The following AOPEP variants were observed in gnomAD, a reference collection of about 807,000 sequenced individuals.
AOPEP encodes the protein aminopeptidase O (putative).
In AOPEP, 77 loss-of-function variants were observed where a neutral mutation model predicts 98.1. The observed-to-expected ratio is 0.78, with a 90% CI of 0.65 to 0.95. AOPEP has a LOEUF of 0.95. Ranked by LOEUF, AOPEP falls within the 40% of genes least tolerant of loss-of-function variation. AOPEP has a pLI of 0.00. For synonymous variants in AOPEP, 346 were observed against 365.3 expected (o/e 0.95, Z 0.60); for missense variants, 1,024 against 1,024.7 (o/e 1.00, Z 0.01).
chr9:95,082,782 C>G, intron 16 of AOPEP, 63 bp downstream of exon 16: 1 of 1,570,258 alleles, frequency 6.4e-7, no homozygotes, highest in Non-Finnish European at 8.7e-7. Context: ...TAGGAGCCAA[C>G]TAAATCAGTA....
the AOPEP span, among the ~76,000 whole-genome samples, chr9:95,104,023 A>G: frequency 5.6e-4 from 85 of 152,110 alleles, no homozygotes; most frequent in Middle Eastern, 3.4e-3. Flanking sequence ...GGGTGGAGAG[A>G]CCCAAGCTGT....
At chr9:94,928,619 G>T in intron 7 of AOPEP, 88 bp downstream of exon 7, 1 of 907,154 alleles carries the variant, frequency 1.1e-6, no homozygotes. Context: ...CATCTGCTGT[G>T]TTTCCTTTTT....
chr9:94,928,543 T>C lies in AOPEP; in HGVS notation c.1661+12T>C. The C allele has an allele frequency of 6.5e-7, 1 of 1,536,178 alleles. No homozygotes were observed. The highest frequency in any genetic ancestry group is 8.8e-7 in the Non-Finnish European group (1 of 1,133,676). On this transcript the variant is annotated intron_variant, in intron 7 of 16. Transcript: ENST00000375315. ...ATGCAGGTGTTAAGGTAAAGCTGCA[T>C]GGTGATCCACAGCCCTCTCATTCCC...
chr9:95,119,722 T>C, the AOPEP span, among the ~76,000 whole-genome samples: 1 of 152,000 alleles, frequency 6.6e-6, no homozygotes, highest in Non-Finnish European at 1.5e-5. Context: ...ATTCCTTTCT[T>C]ATTTTTTGAG....
chr9:95,004,385 CG>C (rs1564508886), intron 11 of AOPEP: 1 of 420,018 alleles, frequency 2.4e-6, no homozygotes, highest in Non-Finnish European at 4.9e-6. Flanking sequence ...CTGAGGGCTG[CG>C]GGTCCACACT....
intron 5 of AOPEP, among the ~76,000 whole-genome samples, chr9:94,869,546 C>T (rs557355269): frequency 6.6e-6 from 1 of 152,320 alleles, no homozygotes; most frequent in East Asian, 1.9e-4. Context: ...GAAAAGTTTA[C>T]TAGTGTCTCT....
intron 5 of AOPEP, among the ~76,000 whole-genome samples, chr9:94,882,514 G>A (rs982258909): frequency 1.3e-5 from 2 of 152,160 alleles, no homozygotes; most frequent in Admixed American, 6.5e-5. Context: ...GGTGGCTCAC[G>A]CCTGTAATCC....
chr9:95,008,794 A>G (rs745602437), intron 13 of AOPEP, among the ~76,000 whole-genome samples: 1 of 152,138 alleles, frequency 6.6e-6, no homozygotes, highest in African/African-American at 2.4e-5. Flanking sequence ...CTGAAGATGC[A>G]TCATTCTGTC....
At chr9:94,849,950 G>A (rs1013923797) in intron 5 of AOPEP, among the ~76,000 whole-genome samples, 4 of 151,544 alleles carry the variant, frequency 2.6e-5, no homozygotes, top group Non-Finnish European at 4.4e-5. Context: ...CAGGAGAGTC[G>A]CTTGAACCCG....
At chr9:94,986,990 C>T (rs2060563420) in intron 11 of AOPEP, among the ~76,000 whole-genome samples, 2 of 152,222 alleles carry the variant, frequency 1.3e-5, no homozygotes, top group South Asian at 4.1e-4. Flanking sequence ...GTAGAACTTT[C>T]AAGCATCCAG....
In AOPEP at chr9:94,760,507, C is replaced by T; in HGVS notation, c.724C>T (p.His242Tyr). 6.2e-7 allele frequency: 1 copy of T among 1,607,268 alleles called. No individual in the cohort carries two copies. The highest frequency in any genetic ancestry group is 8.5e-7 in the Non-Finnish European group (1 of 1,177,538). The change falls in exon 2 of 17, where the codon CAT becomes TAT. Residue 242 changes from histidine (H) to tyrosine (Y), a missense_variant. Coordinates refer to ENST00000375315, the MANE Select transcript of AOPEP (RefSeq NM_001193329.3). The stretch of plus-strand genomic sequence containing the variant: ...GGCTCAGACAGCTACTGACTTTCCT[C>T]ATGCTATCAGGATATGGTACAAAAC... ...TGAQTATDFP[H>Y]AIRIWYKTKP...
chr9:95,087,417 C>A (rs2070784330), downstream of AOPEP, among the ~76,000 whole-genome samples: 1 of 123,200 alleles, frequency 8.1e-6, no homozygotes, highest in Non-Finnish European at 1.6e-5. Flanking sequence ...CAGGAGGTGG[C>A]AGTTGCAGTG....
chr9:94,746,196 A>G (rs374274917), intron 1 of AOPEP, among the ~76,000 whole-genome samples: 80 of 152,240 alleles, frequency 5.3e-4, no homozygotes, highest in East Asian at 9.6e-4. Flanking sequence ...AGCCTTTGCT[A>G]TGGTAGGTAG....
At chr9:94,867,007 A>C (rs992226616) in intron 5 of AOPEP, among the ~76,000 whole-genome samples, 1 of 152,198 alleles carries the variant, frequency 6.6e-6, no homozygotes, top group African/African-American at 2.4e-5. Context: ...CCAAGATCTA[A>C]TTATGATGCT....
intron 3 of AOPEP, among the ~76,000 whole-genome samples, chr9:94,785,682 G>A (rs1305219410): frequency 2.0e-5 from 3 of 152,228 alleles, no homozygotes; most frequent in Non-Finnish European, 4.4e-5. Flanking sequence ...ATCCAGTGGT[G>A]TGAGGGGTTT....
intron 1 of AOPEP, among the ~76,000 whole-genome samples, chr9:94,746,925 T>C (rs552863410): frequency 3.9e-5 from 6 of 151,978 alleles, no homozygotes; most frequent in Admixed American, 3.9e-4. Flanking sequence ...CAACTGACAG[T>C]GATTTGCTTT....
chr9:94,751,747 T>C (rs1490435607), intron 1 of AOPEP, among the ~76,000 whole-genome samples: 1 of 151,254 alleles, frequency 6.6e-6, no homozygotes, highest in Non-Finnish European at 1.5e-5. Context: ...AAAATTTCTT[T>C]TTTTTTTTTT....
intron 1 of AOPEP, among the ~76,000 whole-genome samples, chr9:94,755,294 T>C (rs906574914): frequency 6.6e-6 from 1 of 152,122 alleles, no homozygotes; most frequent in Middle Eastern, 3.2e-3. Flanking sequence ...AGAAATATGG[T>C]TTCCATTTGC....
chr9:94,854,931 A>C (rs1281614239), intron 5 of AOPEP, among the ~76,000 whole-genome samples: 1 of 152,168 alleles, frequency 6.6e-6, no homozygotes, highest in East Asian at 1.9e-4. Context: ...CTGGAGGACA[A>C]CTCAAACTGT....
Sources: gnomAD v4.1 joint callset for allele counts (sites outside exome capture counted in the v4.1 genomes callset) on GRCh38, gnomAD v4.1.1 for gene constraint, MANE v1.5 for transcripts, NCBI Gene and HGNC (gene_info 2026-07-23, HGNC 2026-07-21) for gene names.